Variants in CASR observed in about 807,000 individuals in gnomAD.
The protein encoded by CASR is extracellular calcium-sensing receptor.
A neutral mutation model predicts 69.1 loss-of-function variants in CASR; 23 were observed. The observed-to-expected ratio is 0.33, with a 90% CI of 0.24 to 0.47. CASR has a LOEUF of 0.47. Among genes scored for constraint, CASR ranks in the 20% least tolerant of loss-of-function variants. The pLI, the probability that CASR is intolerant of heterozygous loss-of-function variation, is 1.00. For missense variants in CASR, 924 were observed against 1,356.1 expected (o/e 0.68, Z 5.00); for synonymous variants, 541 against 544.7 (o/e 0.99, Z 0.10).
chr3:122,275,537 G>A (rs1238281762), intron 4 of CASR, among the ~76,000 whole-genome samples: 1 of 152,226 alleles, frequency 6.6e-6, no homozygotes, highest in Non-Finnish European at 1.5e-5. Context: ...CAGTTGCCAG[G>A]TGAGATGTCT....
intron 1 of CASR, among the ~76,000 whole-genome samples, chr3:122,225,554 CA>C (rs33940289): frequency 0.013 from 1,561 of 120,096 alleles, 11 homozygotes; most frequent in East Asian, 0.022. Context: ...CTAAAAAGTC[CA>C]AAAAAAAAAA....
At chr3:122,275,721 A>T in intron 4 of CASR, 91 bp from the exon 5 acceptor site, 2 of 861,186 alleles carry the variant, frequency 2.3e-6, no homozygotes, top group Non-Finnish European at 4.0e-6. Context: ...TTGGAACAAG[A>T]TAGTCTACCG....
intron 1 of CASR, among the ~76,000 whole-genome samples, chr3:122,240,216 C>A (rs2074367408): frequency 6.6e-6 from 1 of 152,130 alleles, no homozygotes; most frequent in Non-Finnish European, 1.5e-5. Flanking sequence ...ACCTTATAAG[C>A]CAGGAGAGAG....
At chr3:122,215,855 C>T (rs1391170089) in intron 1 of CASR, among the ~76,000 whole-genome samples, 1 of 152,148 alleles carries the variant, frequency 6.6e-6, no homozygotes, top group Non-Finnish European at 1.5e-5. Flanking sequence ...AAGACCTGCC[C>T]TCAGAGAGAC....
In CASR at chr3:122,284,503, C is replaced by T. The variant is rs373819680; in HGVS notation, c.2549C>T (p.Ala850Val). ...AILAASFGLL[A>V]CIFFNKIYII... ...CTGGCAGCCAGCTTTGGCTTGCTGGCGTGCATCTTCTTCAACAAGATCTAC... is the reference window on the plus strand; with the variant it reads ...CTGGCAGCCAGCTTTGGCTTGCTGGTGTGCATCTTCTTCAACAAGATCTAC... Residue 850 changes from alanine (A) to valine (V), a missense_variant, in exon 7 of 7, where the codon GCG becomes GTG. Around this residue, in one of 8 missense-constraint regions of CASR, gnomAD observed 42 missense variants for 73.2 expected, o/e 0.57. Coordinates refer to ENST00000639785, the MANE Select transcript of CASR (RefSeq NM_000388.4). The T allele has an allele frequency of 1.2e-6, 2 of 1,613,116 alleles. No homozygotes were observed. Among genetic ancestry groups the T allele is most frequent in the Non-Finnish European group, 1.7e-6 (2 of 1,179,980 alleles).
chr3:122,278,534 A>T (rs1245604290), intron 5 of CASR, among the ~76,000 whole-genome samples: 1 of 152,232 alleles, frequency 6.6e-6, no homozygotes, highest in East Asian at 1.9e-4. Context: ...TTCCTTGGCC[A>T]GAATTGGACA....
intron 1 of CASR, among the ~76,000 whole-genome samples, chr3:122,227,753 G>T (rs1463673616): frequency 2.0e-5 from 3 of 152,048 alleles, no homozygotes; most frequent in Non-Finnish European, 4.4e-5. Context: ...AGGAGCACTG[G>T]GGTTGAAAGC....
In CASR at chr3:122,213,782, G is replaced by A. The variant is rs78232313; in HGVS notation, c.-243+29970G>A. Among the ~76,000 whole-genome samples, 89 of 152,302 alleles carry A rather than the reference G, an allele frequency of 5.8e-4. 2 individuals are homozygous for A. Among genetic ancestry groups the A allele is most frequent in the Non-Finnish European group, 5.0e-4 (34 of 68,030 alleles). Reference sequence around the variant, plus strand: ...TAGCTGAATTACTGAAATCAACATCGTTTCAGTGACCATGGCAAAGAGAAG... The same window carrying A: ...TAGCTGAATTACTGAAATCAACATCATTTCAGTGACCATGGCAAAGAGAAG... On this transcript the variant is annotated intron_variant, in intron 1 of 6. Transcript: ENST00000639785.
rs1474231967 is a variant in CASR, at chr3:122,277,749, T to TTG, written c.1608+1707_1608+1708insTG. Among the ~76,000 whole-genome samples, 6 of 152,238 alleles carry TTG rather than the reference T, an allele frequency of 3.9e-5. No homozygotes were observed. The East Asian group carries it at 1.2e-3, about 29-fold the overall frequency. On this transcript the variant is annotated intron_variant, in intron 5 of 6. Transcript: ENST00000639785. ...TTTATCTTTCACCCCCATTAATGCA[T>TTG]AGAATTGAATTCTCTAATGGCACAT...
At chr3:122,202,572 T>C (rs1258019712) in intron 1 of CASR, among the ~76,000 whole-genome samples, 1 of 152,220 alleles carries the variant, frequency 6.6e-6, no homozygotes, top group Non-Finnish European at 1.5e-5. Context: ...ATATTCTGGA[T>C]ACTAATCTTT....
intron 1 of CASR, among the ~76,000 whole-genome samples, chr3:122,225,611 A>G (rs1210954909): frequency 6.6e-6 from 1 of 151,646 alleles, no homozygotes; most frequent in African/African-American, 2.4e-5. Context: ...GGGAACACTT[A>G]TGCGCTGTTG....
At chr3:122,192,046 AAT>A (rs374388846) in intron 1 of CASR, among the ~76,000 whole-genome samples, 21 of 152,354 alleles carry the variant, frequency 1.4e-4, no homozygotes, top group African/African-American at 5.1e-4. Flanking sequence ...AATTATCAGA[AAT>A]ATGGTTAAAG....
intron 1 of CASR, among the ~76,000 whole-genome samples, chr3:122,218,662 T>C (rs1050071960): frequency 2.0e-5 from 3 of 151,986 alleles, no homozygotes; most frequent in African/African-American, 7.2e-5. Flanking sequence ...TCAGCAAGTA[T>C]TTATTGAGCC....
intron 1 of CASR, among the ~76,000 whole-genome samples, chr3:122,248,679 C>T (rs1281358356): frequency 2.0e-5 from 3 of 148,334 alleles, no homozygotes; most frequent in Non-Finnish European, 4.4e-5. Flanking sequence ...CTTTAATTTA[C>T]TGAGTGATTT....
chr3:122,268,615 G>A (rs2074720497), intron 4 of CASR, among the ~76,000 whole-genome samples: 1 of 152,218 alleles, frequency 6.6e-6, no homozygotes, highest in African/African-American at 2.4e-5. Context: ...CAACCAGGTT[G>A]GAGTCTATTA....
At chr3:122,218,704 CTG>C (rs2074142484) in intron 1 of CASR, among the ~76,000 whole-genome samples, 1 of 152,158 alleles carries the variant, frequency 6.6e-6, no homozygotes, top group African/African-American at 2.4e-5. Context: ...GAGGATTAAA[CTG>C]TGAACAAAAC....
At chr3:122,261,276 C>T (rs1351511920) in intron 3 of CASR, among the ~76,000 whole-genome samples, 1 of 152,234 alleles carries the variant, frequency 6.6e-6, no homozygotes, top group Non-Finnish European at 1.5e-5. Flanking sequence ...TTGAAGTTAG[C>T]ATTGTGAAGA....
At chr3:122,220,040 ATGT>A (rs2074155526) in intron 1 of CASR, among the ~76,000 whole-genome samples, 2 of 152,216 alleles carry the variant, frequency 1.3e-5, no homozygotes, top group Admixed American at 6.5e-5. Flanking sequence ...ATGTAAGCAC[ATGT>A]TGTGTCTACT....
Position 122,284,252 on chromosome 3 carries a change from C to T in CASR, c.2298C>T (p.His766=), listed in dbSNP as rs200723499. 1.6e-5 allele frequency: 26 copies of T among 1,613,964 alleles called. No individual in the cohort carries two copies. The highest frequency in any genetic ancestry group is 1.2e-4 in the African/African-American group (9 of 74,946). The change falls in exon 7 of 7, where the codon CAC becomes CAT. Residue 766 remains histidine (H), a synonymous_variant. Coordinates refer to ENST00000639785, the MANE Select transcript of CASR (RefSeq NM_000388.4). The stretch of plus-strand genomic sequence containing the variant: ...ATGAGATCATCTTCATCACGTGCCA[C>T]GAGGGCTCCCTCATGGCCCTGGGCT... ...LEDEIIFITC[H]EGSLMALGFL...
Sources: gnomAD v4.1 joint callset for allele counts (sites outside exome capture counted in the v4.1 genomes callset) on GRCh38, gnomAD v4.1.1 for gene constraint, gnomAD v4.1.1 regional missense constraint, MANE v1.5 for transcripts, NCBI Gene and HGNC (gene_info 2026-07-23, HGNC 2026-07-21) for gene names.